Variants in DNAAF4 observed in about 807,000 individuals in gnomAD.
The protein encoded by DNAAF4 is dynein axonemal assembly factor 4.
A neutral mutation model predicts 51.8 loss-of-function variants in DNAAF4; 43 were observed. The ratio of observed to expected loss-of-function variants is 0.83; its 90% CI spans 0.65 to 1.07. The LOEUF (loss-of-function observed/expected upper bound fraction) is 1.07. DNAAF4 is among the 50% of genes least tolerant of loss of function. The pLI is 0.00. For missense variants in DNAAF4, 581 were observed against 493.0 expected (o/e 1.18, Z -1.69); for synonymous variants, 194 against 165.6 (o/e 1.17, Z -1.32).
intron 4 of DNAAF4, among the ~76,000 whole-genome samples, chr15:55,473,211 ATATATATATATGTGTGTGTG>A (rs2058283853): frequency 1.6e-5 from 2 of 125,960 alleles, no homozygotes; most frequent in African/African-American, 5.7e-5. Flanking sequence ...ATATATATAT[ATATATATATATGTGTGTGTG>A]TATATATATA....
At chr15:55,433,935 A>T (rs1215167943) in intron 8 of DNAAF4, among the ~76,000 whole-genome samples, 333 of 2,096 alleles carry the variant, frequency 0.16, 31 homozygotes, top group Non-Finnish European at 0.33. Flanking sequence ...ATATTATATA[A>T]AATATATATA....
At chr15:55,448,696 C>T (rs1347686624) in intron 6 of DNAAF4, among the ~76,000 whole-genome samples, 2 of 151,548 alleles carry the variant, frequency 1.3e-5, no homozygotes, top group Non-Finnish European at 2.9e-5. Flanking sequence ...GGTGAAACCC[C>T]ATCTCTATTA....
intron 1 of DNAAF4, among the ~76,000 whole-genome samples, chr15:55,506,305 C>A (rs1444729542): frequency 1.3e-5 from 2 of 152,186 alleles, no homozygotes; most frequent in South Asian, 2.1e-4. Flanking sequence ...TTATAACCAG[C>A]AATTCCACTC....
chr15:55,428,354 C>T (rs1297656047), downstream of DNAAF4, among the ~76,000 whole-genome samples: 1 of 152,020 alleles, frequency 6.6e-6, no homozygotes, highest in African/African-American at 2.4e-5. Context: ...CTGTCACTGT[C>T]TTTGTTTAAA....
rs1471267060 is a variant in DNAAF4 at position 55,418,021 on chromosome 15, A to G, written c.*14T>C. 6 of 1,005,894 alleles carry G rather than the reference A, an allele frequency of 6.0e-6. No homozygotes were observed. In the African/African-American group the frequency reaches 9.9e-5, roughly 17 times the overall value. The allele number at this position is 1,005,894 out of a possible 1,614,324, so 62.3% of individuals were successfully genotyped here. On this transcript the variant is annotated 3_prime_UTR_variant, in exon 8 of 8. Coordinates refer to the DNAAF4 transcript ENST00000448430. ...ACCGGCCATTTTCACTTCTTTTGTGATTCTTCACTTGCTTCAGGCCATCTG... is the reference window on the plus strand; with the variant it reads ...ACCGGCCATTTTCACTTCTTTTGTGGTTCTTCACTTGCTTCAGGCCATCTG...
intron 6 of DNAAF4, among the ~76,000 whole-genome samples, chr15:55,440,217 T>C (rs890080153): frequency 6.6e-6 from 1 of 151,202 alleles, no homozygotes; most frequent in Non-Finnish European, 1.5e-5. Context: ...CATGCCTGGC[T>C]AATTTTTGTA....
chr15:55,439,356 C>T lies in DNAAF4; in HGVS notation c.893+116G>A, dbSNP rs74325930. On this transcript the variant is annotated intron_variant, in intron 7 of 9. Coordinates refer to ENST00000321149, the MANE Select transcript of DNAAF4 (RefSeq NM_130810.4). ...AACTTCTGGCTTCAAGTTATCATCC[C>T]ACCTCGGCCTCCCAAAGGGCTGGGA... 477 of 799,292 alleles carry T rather than the reference C, an allele frequency of 6.0e-4. 6 individuals carry two copies. In the East Asian group the frequency reaches 0.013, roughly 22 times the overall value. 49.5% of individuals were successfully genotyped at this position (799,292 alleles called of 1,614,324 possible).
intron 6 of DNAAF4, among the ~76,000 whole-genome samples, chr15:55,447,791 G>C (rs2057858495): frequency 7.8e-6 from 1 of 128,828 alleles, no homozygotes; most frequent in Admixed American, 8.1e-5. Context: ...AGAGGGGAGA[G>C]GGGAGAGGGG....
At chr15:55,458,699 G>A (rs577564864) in intron 5 of DNAAF4, among the ~76,000 whole-genome samples, 1 of 152,192 alleles carries the variant, frequency 6.6e-6, no homozygotes, top group African/African-American at 2.4e-5. Context: ...AACACCCGGG[G>A]AATTCATTGC....
At chr15:55,453,929 A>C (rs780560137) in intron 5 of DNAAF4, among the ~76,000 whole-genome samples, 2 of 152,172 alleles carry the variant, frequency 1.3e-5, no homozygotes, top group Non-Finnish European at 2.9e-5. Flanking sequence ...AAAATTAGTC[A>C]TGGTTGAAGA....
chr15:55,507,849 C>A (rs371843492), intron 1 of DNAAF4, among the ~76,000 whole-genome samples: 2 of 152,182 alleles, frequency 1.3e-5, no homozygotes, highest in African/African-American at 4.8e-5. Context: ...TAAATTAAAA[C>A]AATAAATAAA....
intron 6 of DNAAF4, among the ~76,000 whole-genome samples, chr15:55,449,745 C>T (rs2057904105): frequency 7.9e-6 from 1 of 126,596 alleles, no homozygotes; most frequent in Admixed American, 9.3e-5. Flanking sequence ...GTTGCCCAGG[C>T]TGGAGTACAA....
At chr15:55,446,297 G>A (rs947390106) in intron 6 of DNAAF4, among the ~76,000 whole-genome samples, 3 of 42,652 alleles carry the variant, frequency 7.0e-5, no homozygotes, top group Non-Finnish European at 1.2e-4. Flanking sequence ...CATCCCAGAC[G>A]GGGGGGGGGG....
intron 4 of DNAAF4, among the ~76,000 whole-genome samples, chr15:55,480,682 C>T (rs1038019012): frequency 2.6e-5 from 4 of 152,060 alleles, no homozygotes; most frequent in Non-Finnish European, 4.4e-5. Flanking sequence ...TAACTGCAGG[C>T]GTAGAAACAG....
chr15:55,488,897 GC>G (rs1567031581), intron 4 of DNAAF4, among the ~76,000 whole-genome samples: 1 of 152,012 alleles, frequency 6.6e-6, no homozygotes, highest in East Asian at 1.9e-4. Context: ...GACCATCCTG[GC>G]TAACACAGTG....
intron 6 of DNAAF4, chr15:55,442,704 A>C (rs1196118061): frequency 6.8e-7 from 1 of 1,470,264 alleles, no homozygotes; most frequent in Admixed American, 1.7e-5. Context: ...TCTTCTCATC[A>C]ACACTCTGAA....
chr15:55,419,582 G>A (rs2057370313), intron 7 of DNAAF4, among the ~76,000 whole-genome samples: 1 of 152,194 alleles, frequency 6.6e-6, no homozygotes, highest in Non-Finnish European at 1.5e-5. Context: ...TGCTAGGCTG[G>A]TGGAAGAGAG....
At chr15:55,498,615 C>CAAAAAAAAAAAAAA (rs2058672348) in intron 1 of DNAAF4, 31 bp from the exon 2 acceptor site, 1 of 209,040 alleles carries the variant, frequency 4.8e-6, no homozygotes, top group African/African-American at 5.0e-5. Context: ...AAAAAAAAAG[C>CAAAAAAAAAAAAAA]ACTCTGTGGG....
chr15:55,443,091 T>G, intron 6 of DNAAF4: 2 of 1,610,672 alleles, frequency 1.2e-6, no homozygotes, highest in Non-Finnish European at 8.5e-7. Flanking sequence ...TTTTAAAGTC[T>G]TGAATCCTTT....
Sources: gnomAD v4.1 joint callset for allele counts (sites outside exome capture counted in the v4.1 genomes callset) on GRCh38, gnomAD v4.1.1 for gene constraint, MANE v1.5 for transcripts, NCBI Gene and HGNC (gene_info 2026-07-23, HGNC 2026-07-21) for gene names.